RFC3: variants seen among roughly 807,000 people sequenced by gnomAD.
RFC3 encodes replication factor C subunit 3, also known as A1 38 kDa subunit.
Under a neutral mutation model 45.1 loss-of-function variants are expected in RFC3, and 41 were observed. The ratio of observed to expected loss-of-function variants is 0.91; its 90% confidence interval spans 0.71 to 1.18. The LOEUF (loss-of-function observed/expected upper bound fraction) is 1.18. RFC3 is among the 50% of genes most tolerant of loss of function. The pLI is 0.00. For missense variants in RFC3, 423 were observed against 428.1 expected (o/e 0.99, Z 0.10); for synonymous variants, 149 against 144.0 (o/e 1.03, Z -0.25).
At chr13:33,902,261 G>A (rs1176146403) in intron 8 of RFC3, among the ~76,000 whole-genome samples, 2 of 152,046 alleles carry the variant, frequency 1.3e-5, no homozygotes, top group Non-Finnish European at 2.9e-5. Context: ...AGCCAGTGTG[G>A]TTCTATCAGA....
At chr13:33,945,002 C>T (rs772505500) in intron 8 of RFC3, among the ~76,000 whole-genome samples, 1 of 152,124 alleles carries the variant, frequency 6.6e-6, no homozygotes, top group African/African-American at 2.4e-5. Flanking sequence ...GTTGTTATTC[C>T]TCTCATCTTG....
At chr13:33,933,686 T>G (rs1029968059) in intron 8 of RFC3, among the ~76,000 whole-genome samples, 13 of 152,106 alleles carry the variant, frequency 8.5e-5, no homozygotes, top group Non-Finnish European at 1.8e-4. Flanking sequence ...GAGAAACTTT[T>G]TTTCCCCTCT....
intron 8 of RFC3, among the ~76,000 whole-genome samples, chr13:33,890,441 A>T (rs1056563101): frequency 6.6e-6 from 1 of 152,172 alleles, no homozygotes; most frequent in Admixed American, 6.5e-5. Flanking sequence ...ACTAGAAGGG[A>T]TTATATCCTA....
intron 8 of RFC3, among the ~76,000 whole-genome samples, chr13:33,915,585 TTTC>T (rs1192705908): frequency 6.6e-6 from 1 of 152,126 alleles, no homozygotes; most frequent in African/African-American, 2.4e-5. Context: ...AGAATTTTGT[TTTC>T]TTTTTCTTTC....
At chr13:33,881,791 T>C (rs2082486692) in intron 8 of RFC3, among the ~76,000 whole-genome samples, 1 of 152,194 alleles carries the variant, frequency 6.6e-6, no homozygotes, top group Admixed American at 6.5e-5. Context: ...CTTTCCTTGC[T>C]TTTGTTTACC....
intron 8 of RFC3, among the ~76,000 whole-genome samples, chr13:33,900,505 C>G (rs1472058322): frequency 2.6e-5 from 4 of 151,708 alleles, no homozygotes; most frequent in African/African-American, 9.7e-5. Context: ...AGATTCCTAT[C>G]TCTGTCTATC....
chr13:33,932,663 A>C (rs1481320795), intron 8 of RFC3, among the ~76,000 whole-genome samples: 1 of 152,188 alleles, frequency 6.6e-6, no homozygotes, highest in African/African-American at 2.4e-5. Flanking sequence ...ACTCTAAAGC[A>C]AAAACAGTAG....
At chr13:33,969,115 A>G (rs1040435841), downstream of RFC3, among the ~76,000 whole-genome samples, 1 of 152,198 alleles carries the variant, frequency 6.6e-6, no homozygotes, top group African/African-American at 2.4e-5. Context: ...TTTTGCAGCA[A>G]TGGGTTTTGA....
chr13:33,867,398 A>AAG (rs2082380428), intron 8 of RFC3, among the ~76,000 whole-genome samples: 1 of 152,208 alleles, frequency 6.6e-6, no homozygotes, highest in African/African-American at 2.4e-5. Context: ...TCATTTTAGT[A>AAG]CCTCAAGGAG....
At chr13:33,873,576 G>A (rs1447633690) in intron 8 of RFC3, among the ~76,000 whole-genome samples, 1 of 152,238 alleles carries the variant, frequency 6.6e-6, no homozygotes, top group South Asian at 2.1e-4. Flanking sequence ...ACAGAGAGAG[G>A]ATATGTTTAA....
chr13:33,865,359 C>T (rs181455712), intron 8 of RFC3, among the ~76,000 whole-genome samples: 1 of 152,314 alleles, frequency 6.6e-6, no homozygotes, highest in African/African-American at 2.4e-5. Flanking sequence ...TGTGCTCACC[C>T]TCTCTAGTGA....
chr13:33,945,991 A>G (rs1415090377), intron 8 of RFC3, among the ~76,000 whole-genome samples: 2 of 152,064 alleles, frequency 1.3e-5, no homozygotes, highest in Admixed American at 1.3e-4. Flanking sequence ...CCATCACTTG[A>G]GTTCAAACCT....
Position 33,891,718 on chromosome 13 carries a change from CAT to C in RFC3, c.879+56502_879+56503del, listed in dbSNP as rs561560599. ...ATTATAACAACTATATAATATCAAA[CAT>C]GTGGATGAAAATACCAGATGCTCTA... On this transcript the variant is annotated intron_variant, in intron 8 of 8. Coordinates refer to the RFC3 transcript ENST00000434425. Among the ~76,000 whole-genome samples the C allele has an allele frequency of 5.1e-3, 771 of 152,190 alleles. 6 individuals are homozygous for C. The highest frequency in any genetic ancestry group is 0.018 in the African/African-American group (741 of 41,520).
rs977245629 is a variant in RFC3, at chr13:33,941,234, A to AT, written c.880-24841dup. On this transcript the variant is annotated intron_variant, in intron 8 of 8. Coordinates refer to the RFC3 transcript ENST00000434425. The stretch of plus-strand genomic sequence containing the variant: ...GGACTCCGTCTCACTTTCCTGAGAG[A>AT]TTTTTTTTTTTTCCTTTTTGCCCAA... 7.2e-3 allele frequency among the ~76,000 whole-genome samples: 1,060 copies of AT among 147,018 alleles called. 5 individuals are homozygous for AT. Among genetic ancestry groups the AT allele is most frequent in the Admixed American group, 0.011 (166 of 14,742 alleles).
chr13:33,895,535 T>C (rs905432685), intron 8 of RFC3, among the ~76,000 whole-genome samples: 1 of 152,236 alleles, frequency 6.6e-6, no homozygotes, highest in African/African-American at 2.4e-5. Flanking sequence ...TATACACTGC[T>C]AGTGGGAATG....
chr13:33,913,882 C>T (rs377754467), intron 8 of RFC3, among the ~76,000 whole-genome samples: 1 of 152,126 alleles, frequency 6.6e-6, no homozygotes, highest in Non-Finnish European at 1.5e-5. Flanking sequence ...TGACTATACA[C>T]GTATTTATAA....
the RFC3 span, among the ~76,000 whole-genome samples, chr13:33,974,610 T>C: frequency 2.0e-5 from 3 of 152,254 alleles, no homozygotes; most frequent in South Asian, 6.2e-4. Flanking sequence ...TCTCCAAATT[T>C]TAAGAAAGTA....
chr13:33,959,601 T>C lies in RFC3; in HGVS notation c.880-6486T>C, dbSNP rs76418862. 6.6e-5 allele frequency among the ~76,000 whole-genome samples: 10 copies of C among 152,262 alleles called. No homozygotes were observed. The East Asian group carries it at 1.9e-3, about 29-fold the overall frequency. ...AATTTGTTTACATCCAGAACATTTA[T>C]CTCAGGCCCAGTTGTACTTATTTAT... On this transcript the variant is annotated intron_variant, in intron 8 of 8. Transcript: ENST00000434425.
chr13:33,899,221 A>AAAAAAAAAAAAAAAAAT, intron 8 of RFC3, among the ~76,000 whole-genome samples: 1 of 149,282 alleles, frequency 6.7e-6, no homozygotes, highest in Non-Finnish European at 1.5e-5. Flanking sequence ...AAAAAAAAAA[A>AAAAAAAAAAAAAAAAAT]AAAAAAAAGA....
Sources: gnomAD v4.1 joint callset for allele counts (sites outside exome capture counted in the v4.1 genomes callset) on GRCh38, gnomAD v4.1.1 for gene constraint, MANE v1.5 for transcripts, NCBI Gene and HGNC (gene_info 2026-07-23, HGNC 2026-07-21) for gene names.